Variants in ROR1 observed in about 807,000 individuals in gnomAD.
The protein encoded by ROR1 is inactive tyrosine-protein kinase transmembrane receptor ROR1.
Under a neutral mutation model 78.8 loss-of-function variants are expected in ROR1, and 19 were observed. The observed-to-expected ratio is 0.24, with a 90% CI of 0.17 to 0.35. ROR1 has a LOEUF of 0.35. Among genes scored for constraint, ROR1 ranks in the 10% least tolerant of loss-of-function variants. The pLI, the probability that ROR1 is intolerant of heterozygous loss-of-function variation, is 1.00. For synonymous variants in ROR1, 386 were observed against 433.6 expected (o/e 0.89, Z 1.36); for missense variants, 917 against 1,177.8 (o/e 0.78, Z 3.24).
intron 1 of ROR1, among the ~76,000 whole-genome samples, chr1:64,008,740 T>C (rs1464064463): frequency 6.6e-6 from 1 of 152,180 alleles, no homozygotes. Context: ...GTTCAAGCGA[T>C]TCTCCTGCCT....
intron 1 of ROR1, among the ~76,000 whole-genome samples, chr1:64,005,317 T>G (rs779123028): frequency 2.6e-5 from 4 of 152,188 alleles, no homozygotes; most frequent in Non-Finnish European, 5.9e-5. Flanking sequence ...ATTTTATGGA[T>G]GAGAAAATAG....
chr1:63,964,433 A>G (rs1646057523), intron 1 of ROR1, among the ~76,000 whole-genome samples: 1 of 152,218 alleles, frequency 6.6e-6, no homozygotes, highest in Non-Finnish European at 1.5e-5. Context: ...AAAAACTGAC[A>G]TAGCAGTCTG....
At chr1:64,117,281 C>T (rs1378329337) in intron 4 of ROR1, among the ~76,000 whole-genome samples, 1 of 152,140 alleles carries the variant, frequency 6.6e-6, no homozygotes, top group East Asian at 1.9e-4. Context: ...ACCTCATTTT[C>T]CTCATCTTTG....
At chr1:64,083,252 T>G (rs834349) in intron 4 of ROR1, among the ~76,000 whole-genome samples, 29,405 of 151,840 alleles carry the variant, frequency 0.19, 3,614 homozygotes, top group African/African-American at 0.36. Flanking sequence ...GAGAGAGAGC[T>G]TTTTAGGAAC....
At chr1:63,953,802 C>T (rs1191823116) in intron 1 of ROR1, among the ~76,000 whole-genome samples, 1 of 152,176 alleles carries the variant, frequency 6.6e-6, no homozygotes, top group Non-Finnish European at 1.5e-5. Flanking sequence ...CTTGGAAGAA[C>T]ATCTTGAATA....
intron 4 of ROR1, chr1:64,105,828 G>C (rs1211941499): frequency 6.6e-6 from 1 of 152,102 alleles, no homozygotes; most frequent in Admixed American, 6.5e-5. Context: ...TGTTTGTTTT[G>C]GTACCAGTAC....
intron 4 of ROR1, among the ~76,000 whole-genome samples, chr1:64,127,325 C>T (rs1648744304): frequency 6.6e-6 from 1 of 152,170 alleles, no homozygotes; most frequent in Non-Finnish European, 1.5e-5. Flanking sequence ...GGACCTAATT[C>T]TTCAACTATA....
intron 1 of ROR1, among the ~76,000 whole-genome samples, chr1:63,882,124 T>TC (rs1190943505): frequency 4.0e-5 from 6 of 150,814 alleles, no homozygotes; most frequent in East Asian, 1.9e-4. Context: ...TAGTAGGAGA[T>TC]CCCCCCCGGT....
chr1:63,809,233 G>C (rs916839242), intron 1 of ROR1, among the ~76,000 whole-genome samples: 2 of 152,190 alleles, frequency 1.3e-5, no homozygotes, highest in Non-Finnish European at 2.9e-5. Context: ...CTAGGTACCA[G>C]GGAATCCCAT....
intron 1 of ROR1, among the ~76,000 whole-genome samples, chr1:64,007,581 G>A (rs576310291): frequency 2.2e-4 from 34 of 152,190 alleles, no homozygotes; most frequent in African/African-American, 7.9e-4. Flanking sequence ...ACTTCATAGT[G>A]TATTATGTCC....
intron 1 of ROR1, among the ~76,000 whole-genome samples, chr1:63,894,044 C>T (rs1245226518): frequency 6.6e-6 from 1 of 152,046 alleles, no homozygotes; most frequent in East Asian, 1.9e-4. Context: ...CATCACTACT[C>T]TTGTGCTTTT....
chr1:64,124,828 G>A (rs1244033806), intron 4 of ROR1, among the ~76,000 whole-genome samples: 1 of 152,108 alleles, frequency 6.6e-6, no homozygotes, highest in African/African-American at 2.4e-5. Context: ...ATGAACACTA[G>A]GAGTTTCTGA....
At chr1:63,778,345 T>C (rs1644629779) in intron 1 of ROR1, among the ~76,000 whole-genome samples, 1 of 152,252 alleles carries the variant, frequency 6.6e-6, no homozygotes, top group African/African-American at 2.4e-5. Context: ...CCAAGAAAAG[T>C]GTCAACCTCT....
intron 4 of ROR1, among the ~76,000 whole-genome samples, chr1:64,082,281 T>A (rs1328877998): frequency 6.6e-6 from 1 of 152,164 alleles, no homozygotes; most frequent in East Asian, 1.9e-4. Flanking sequence ...ATGGTGGCGT[T>A]GGGACATGCA....
At chr1:64,071,557 T>TC (rs942687917) in intron 4 of ROR1, among the ~76,000 whole-genome samples, 15 of 148,378 alleles carry the variant, frequency 1.0e-4, no homozygotes, top group Non-Finnish European at 1.6e-4. Context: ...TCTGGTCCAC[T>TC]CCCCCCCGCC....
intron 7 of ROR1, among the ~76,000 whole-genome samples, chr1:64,143,561 T>C (rs974662594): frequency 6.6e-6 from 1 of 152,090 alleles, no homozygotes; most frequent in Non-Finnish European, 1.5e-5. Flanking sequence ...AGAGCAATAG[T>C]CATGGGACCC....
At chr1:63,957,157 C>T (rs1186089397) in intron 1 of ROR1, among the ~76,000 whole-genome samples, 1 of 152,182 alleles carries the variant, frequency 6.6e-6, no homozygotes, top group Non-Finnish European at 1.5e-5. Context: ...TAGCAAACAT[C>T]TCCTATCACC....
intron 4 of ROR1, among the ~76,000 whole-genome samples, chr1:64,095,818 G>A (rs186622988): frequency 7.9e-5 from 12 of 152,284 alleles, no homozygotes; most frequent in Admixed American, 7.8e-4. Flanking sequence ...CTAAGGAAGA[G>A]TATCTAGTTC....
chr1:63,844,826 G>A (rs1645071130), intron 1 of ROR1, among the ~76,000 whole-genome samples: 1 of 152,178 alleles, frequency 6.6e-6, no homozygotes, highest in Non-Finnish European at 1.5e-5. Flanking sequence ...ATTGCAAATG[G>A]AAGGTCATGC....
Sources: allele counts gnomAD v4.1 joint callset (sites outside exome capture counted in the v4.1 genomes callset), GRCh38; gene constraint gnomAD v4.1.1; transcripts MANE v1.5; gene names NCBI Gene and HGNC (gene_info 2026-07-23, HGNC 2026-07-21).